The following PHF21B variants were observed in gnomAD, a reference collection of about 807,000 sequenced individuals.
The protein encoded by PHF21B is PHD finger protein 4.
PHF21B carries 22 observed loss-of-function variants against 62.2 expected under a neutral mutation model. That is an observed-to-expected ratio of 0.35 (90% CI 0.25 to 0.51). The LOEUF is 0.51. Among genes scored for constraint, PHF21B ranks in the 20% least tolerant of loss-of-function variants. PHF21B has a pLI of 0.97. For synonymous variants in PHF21B, 341 were observed against 314.7 expected (o/e 1.08, Z -0.88); for missense variants, 701 against 707.9 (o/e 0.99, Z 0.11).
At chr22:44,952,981 CA>C (rs1323118422) in intron 2 of PHF21B, among the ~76,000 whole-genome samples, 1 of 152,222 alleles carries the variant, frequency 6.6e-6, no homozygotes, top group Non-Finnish European at 1.5e-5. Flanking sequence ...AGCTCCTCCC[CA>C]TTCCGCAGAC....
chr22:44,890,090 G>A (rs189876340), intron 8 of PHF21B, among the ~76,000 whole-genome samples: 3 of 151,926 alleles, frequency 2.0e-5, no homozygotes, highest in African/African-American at 7.2e-5. Flanking sequence ...CTCACCCCAG[G>A]GCATGATGGG....
chr22:44,945,265 C>T (rs539966997), intron 2 of PHF21B, among the ~76,000 whole-genome samples: 28 of 152,190 alleles, frequency 1.8e-4, no homozygotes, highest in Non-Finnish European at 3.1e-4. Flanking sequence ...CCAGTGGGAA[C>T]GGACAGGCTC....
Position 44,948,364 on chromosome 22 carries a change from G to A in PHF21B, c.121-27874C>T, listed in dbSNP as rs761255670. Reference sequence around the variant, plus strand: ...TATGTCCAGTCTACTCCATCATCTCGTTTTGGTTGCTGTCACTGCAGAAAA... The same window carrying A: ...TATGTCCAGTCTACTCCATCATCTCATTTTGGTTGCTGTCACTGCAGAAAA... On this transcript the variant is annotated intron_variant, in intron 2 of 12. Transcript: ENST00000313237. 1.6e-4 allele frequency among the ~76,000 whole-genome samples: 24 copies of A among 152,202 alleles called. No homozygotes were observed. The East Asian group carries it at 3.1e-3, about 20-fold the overall frequency.
At chr22:44,988,295 C>T (rs891104240) in intron 2 of PHF21B, among the ~76,000 whole-genome samples, 1 of 152,066 alleles carries the variant, frequency 6.6e-6, no homozygotes, top group Non-Finnish European at 1.5e-5. Context: ...AGTGAGACCT[C>T]GTCTCTGCAA....
chr22:44,975,672 C>G (rs1192450084), intron 2 of PHF21B, among the ~76,000 whole-genome samples: 1 of 152,360 alleles, frequency 6.6e-6, no homozygotes, highest in East Asian at 1.9e-4. Context: ...CCCAAAGCTG[C>G]GGCCAAATCA....
intron 3 of PHF21B, among the ~76,000 whole-genome samples, chr22:44,918,836 T>TGG (rs1434054497): frequency 3.9e-5 from 6 of 152,328 alleles, no homozygotes; most frequent in Admixed American, 1.3e-4. Context: ...TGGCCTTGAT[T>TGG]GGCAGCCTCT....
intron 9 of PHF21B, 111 bp downstream of exon 9, chr22:44,889,649 C>T: frequency 7.4e-7 from 1 of 1,352,902 alleles, no homozygotes; most frequent in South Asian, 1.4e-5. Flanking sequence ...ACCGAAAGGC[C>T]TTCTGCACCA....
chr22:44,915,450 T>C (rs1408048709), intron 4 of PHF21B, among the ~76,000 whole-genome samples: 1 of 152,228 alleles, frequency 6.6e-6, no homozygotes, highest in African/African-American at 2.4e-5. Context: ...GCTAAGCACC[T>C]TGTCTGGATC....
chr22:44,990,459 G>A (rs2073025335), intron 2 of PHF21B, among the ~76,000 whole-genome samples: 1 of 152,206 alleles, frequency 6.6e-6, no homozygotes, highest in African/African-American at 2.4e-5. Context: ...GTACGTGCAA[G>A]CAGTGGAATA....
intron 12 of PHF21B, among the ~76,000 whole-genome samples, chr22:44,883,993 C>A (rs1422658197): frequency 6.6e-6 from 1 of 151,276 alleles, no homozygotes; most frequent in Non-Finnish European, 1.5e-5. Context: ...ACCATCACCA[C>A]CACCATGATC....
chr22:44,916,931 G>A (rs190315413), intron 3 of PHF21B, among the ~76,000 whole-genome samples: 50 of 152,296 alleles, frequency 3.3e-4, no homozygotes, highest in Non-Finnish European at 6.5e-4. Flanking sequence ...GCTTGGGCGC[G>A]AGGGGACAGT....
At chr22:44,986,778 A>C (rs1266993941) in intron 2 of PHF21B, among the ~76,000 whole-genome samples, 3 of 151,722 alleles carry the variant, frequency 2.0e-5, no homozygotes, top group Admixed American at 2.0e-4. Flanking sequence ...GTGTTCCTGG[A>C]GCTGGGGAGA....
intron 2 of PHF21B, among the ~76,000 whole-genome samples, chr22:45,006,483 C>G (rs530131790): frequency 6.6e-6 from 1 of 152,320 alleles, no homozygotes; most frequent in East Asian, 1.9e-4. Flanking sequence ...CTTCCCGAAG[C>G]TGCCGCAACC....
intron 2 of PHF21B, among the ~76,000 whole-genome samples, chr22:44,964,023 G>A (rs765969490): frequency 5.3e-5 from 8 of 152,318 alleles, no homozygotes; most frequent in African/African-American, 1.2e-4. Context: ...CCTTGGCCCC[G>A]TCCAGCTGTG....
In PHF21B at chr22:44,914,106, G is replaced by C; in HGVS notation, c.565-18C>G. 1 of 754,882 alleles carries C rather than the reference G, an allele frequency of 1.3e-6. No individual in the cohort carries two copies. The highest frequency in any genetic ancestry group is 2.2e-6 in the Non-Finnish European group (1 of 460,530). The allele number at this position is 754,882 out of a possible 1,614,324, so 46.8% of individuals were successfully genotyped here. On this transcript the variant is annotated intron_variant, in intron 4 of 12. Transcript: ENST00000313237. ...GGAGGAGGCTGGAGAGCGAGGGTGA[G>C]GGGCACAGGGAGGAAGGGAAGAGTG...
At chr22:44,904,289 A>AT (rs150128832) in intron 5 of PHF21B, among the ~76,000 whole-genome samples, 10,266 of 150,392 alleles carry the variant, frequency 0.068, 339 homozygotes, top group South Asian at 0.1. Context: ...ACAAAACTGG[A>AT]TTTTTTTTTT....
chr22:44,901,060 T>C (rs1601581073), intron 5 of PHF21B, among the ~76,000 whole-genome samples: 2 of 152,238 alleles, frequency 1.3e-5, no homozygotes, highest in South Asian at 2.1e-4. Context: ...TGCACTCACA[T>C]AGGTGGAAGA....
intron 5 of PHF21B, among the ~76,000 whole-genome samples, chr22:44,897,348 A>C (rs1222135049): frequency 1.3e-5 from 2 of 152,136 alleles, no homozygotes; most frequent in African/African-American, 4.8e-5. Context: ...GAGTGTGGGC[A>C]GGATTGAAAA....
chr22:44,899,483 G>T (rs370046442), intron 5 of PHF21B, among the ~76,000 whole-genome samples: 5 of 151,872 alleles, frequency 3.3e-5, no homozygotes, highest in Non-Finnish European at 7.4e-5. Flanking sequence ...TAGAGACGGG[G>T]TTTCACCATG....
Sources: allele counts gnomAD v4.1 joint callset (sites outside exome capture counted in the v4.1 genomes callset), GRCh38; gene constraint gnomAD v4.1.1; transcripts MANE v1.5; gene names NCBI Gene and HGNC (gene_info 2026-07-23, HGNC 2026-07-21).